Variants in ANK1 observed in about 807,000 individuals in gnomAD.
The protein encoded by ANK1 is ankyrin 1, also known as ankyrin-1.
ANK1 carries 51 observed loss-of-function variants against 210.4 expected under a neutral mutation model. The observed-to-expected ratio is 0.24, with a 90% CI of 0.19 to 0.31. The LOEUF (loss-of-function observed/expected upper bound fraction) is 0.31, where lower values mean the gene tolerates loss of function less well. Among genes scored for constraint, ANK1 ranks in the 10% least tolerant of loss-of-function variants. ANK1 has a pLI of 1.00. For missense variants in ANK1, 2,051 were observed against 2,504.4 expected, an observed-to-expected ratio of 0.82 and a Z score of 3.86; for synonymous variants, 967 against 1,025.9, an observed-to-expected ratio of 0.94 and a Z score of 1.10.
chr8:41,851,578 G>A (rs1488604755), intron 1 of ANK1, among the ~76,000 whole-genome samples: 4 of 152,236 alleles, frequency 2.6e-5, no homozygotes, highest in Non-Finnish European at 4.4e-5. Flanking sequence ...CTGGCTGGGT[G>A]CGTGGCTCAC....
chr8:41,683,385 AG>A (rs1006220433), intron 37 of ANK1, among the ~76,000 whole-genome samples: 29 of 152,196 alleles, frequency 1.9e-4, no homozygotes, highest in African/African-American at 2.4e-5. Context: ...GATGCAGAGC[AG>A]GGGACAGGGA....
At chr8:41,896,229 C>T (rs1820501464) in intron 1 of ANK1, 1 of 1,319,004 alleles carries the variant, frequency 7.6e-7, no homozygotes, top group South Asian at 1.7e-5. Flanking sequence ...CTTCCCCGCT[C>T]GGGTGCCGCC....
At chr8:41,760,690 G>T (rs569952559) in intron 1 of ANK1, among the ~76,000 whole-genome samples, 1 of 152,286 alleles carries the variant, frequency 6.6e-6, no homozygotes, top group Middle Eastern at 3.4e-3. Flanking sequence ...TGTAAGCTGG[G>T]GAGAGTAAAG....
chr8:41,826,180 G>A (rs189402301), intron 1 of ANK1, among the ~76,000 whole-genome samples: 140 of 152,212 alleles, frequency 9.2e-4, no homozygotes, highest in Non-Finnish European at 1.7e-3. Context: ...TGCCAGCTGT[G>A]AGATTTCTAA....
chr8:41,752,219 G>A (rs1224889337), intron 2 of ANK1, among the ~76,000 whole-genome samples: 2 of 152,088 alleles, frequency 1.3e-5, no homozygotes, highest in Admixed American at 1.3e-4. Flanking sequence ...CTTAGCTATT[G>A]TCTATTTCCT....
At chr8:41,764,254 C>T (rs1472553517) in intron 1 of ANK1, among the ~76,000 whole-genome samples, 1 of 152,016 alleles carries the variant, frequency 6.6e-6, no homozygotes, top group Non-Finnish European at 1.5e-5. Flanking sequence ...AGCAAATGGC[C>T]CTTGTTGGGA....
At position 41,894,594 on chromosome 8, in the gene ANK1, T is replaced by C. The variant is rs1425166810; in HGVS notation, c.126+1761A>G. 3.3e-5 allele frequency among the ~76,000 whole-genome samples: 5 copies of C among 151,930 alleles called. 1 individual carries two copies. The highest frequency in any genetic ancestry group is 1.9e-4 in the East Asian group (1 of 5,188). ...TTTTGACTATTTTCAAAAAATGATATATGGTGTCGGGAGTGTCAAGGAGGA... is the reference window on the plus strand; with the variant it reads ...TTTTGACTATTTTCAAAAAATGATACATGGTGTCGGGAGTGTCAAGGAGGA... On this transcript the variant is annotated intron_variant, in intron 1 of 42. Coordinates refer to the ANK1 transcript ENST00000265709.
At chr8:41,824,777 A>G (rs897410483) in intron 1 of ANK1, among the ~76,000 whole-genome samples, 17 of 152,168 alleles carry the variant, frequency 1.1e-4, no homozygotes, top group Admixed American at 8.5e-4. Flanking sequence ...CATTCAAGGC[A>G]TCTGGTCAGG....
chr8:41,879,237 C>T (rs1056646385), intron 1 of ANK1, among the ~76,000 whole-genome samples: 3 of 152,082 alleles, frequency 2.0e-5, no homozygotes, highest in African/African-American at 7.2e-5. Flanking sequence ...CCCCAGCTTC[C>T]CAGTCCAGAA....
chr8:41,853,459 C>G (rs1339187776), intron 1 of ANK1, among the ~76,000 whole-genome samples: 1 of 152,198 alleles, frequency 6.6e-6, no homozygotes, highest in East Asian at 1.9e-4. Context: ...CTTCTGGGGT[C>G]AGAACACTTA....
intron 1 of ANK1, chr8:41,896,297 C>G (rs554408051): frequency 1.9e-6 from 3 of 1,564,512 alleles, no homozygotes; most frequent in Non-Finnish European, 8.6e-7. Context: ...GACCCCTGCC[C>G]CCAGCAGCCA....
chr8:41,698,962 A>AT (rs199732230), intron 23 of ANK1, among the ~76,000 whole-genome samples: 9 of 151,364 alleles, frequency 5.9e-5, no homozygotes, highest in Admixed American at 2.0e-4. Flanking sequence ...ACGCTCAGCT[A>AT]TTTTTTTTGT....
chr8:41,896,438 C>G, exon 1 of ANK1: 1 of 1,606,380 alleles, frequency 6.2e-7, no homozygotes, highest in South Asian at 1.1e-5. Context: ...GCCTGCGCCT[C>G]GATGTCTTTG....
exon 1 of ANK1, chr8:41,896,481 G>A: frequency 6.3e-7 from 1 of 1,594,168 alleles, no homozygotes; most frequent in East Asian, 2.3e-5. Flanking sequence ...CTTGAGCCAT[G>A]GCGGGTCACG....
intron 1 of ANK1, among the ~76,000 whole-genome samples, chr8:41,893,729 T>C (rs1819900775): frequency 6.6e-6 from 1 of 152,202 alleles, no homozygotes; most frequent in South Asian, 2.1e-4. Flanking sequence ...TGGAGTAACA[T>C]GTTTGTCTGC....
At chr8:41,695,809 G>C (rs1292873078) in intron 26 of ANK1, among the ~76,000 whole-genome samples, 1 of 152,224 alleles carries the variant, frequency 6.6e-6, no homozygotes, top group African/African-American at 2.4e-5. Context: ...AGGGCCTCCT[G>C]GTCAGGCCTG....
upstream of ANK1, chr8:41,797,632 G>A: frequency 6.3e-7 from 1 of 1,583,138 alleles, no homozygotes; most frequent in East Asian, 2.3e-5. The surrounding 1 kb of genome is among the most constrained non-coding windows in gnomAD (Gnocchi z 4.0). Context: ...TGCGGGGCCT[G>A]TGACGTGCGG....
chr8:41,663,760 G>A lies in ANK1; in HGVS notation c.5395-18C>T. ...TCATTCCCCTGGAATTAGAGAAAGG[G>A]AGAAAATGCAAGATTGGTGAGTGGG... On this transcript the variant is annotated intron_variant, in intron 39 of 42. Transcript: ENST00000289734. The A allele has an allele frequency of 6.3e-7, 1 of 1,598,924 alleles. No homozygotes were observed. The highest frequency in any genetic ancestry group is 1.1e-5 in the South Asian group (1 of 90,766).
intron 1 of ANK1, among the ~76,000 whole-genome samples, chr8:41,765,361 C>A (rs1436897237): frequency 6.6e-6 from 1 of 151,742 alleles, no homozygotes; most frequent in African/African-American, 2.4e-5. Flanking sequence ...GCGTCAACAC[C>A]CCCTTCCCCC....
Sources: allele counts gnomAD v4.1 joint callset (sites outside exome capture counted in the v4.1 genomes callset), GRCh38; gene constraint gnomAD v4.1.1; non-coding constraint Gnocchi (gnomAD v3.1); transcripts MANE v1.5; gene names NCBI Gene and HGNC (gene_info 2026-07-23, HGNC 2026-07-21).